Variants in PLPP3 observed in about 807,000 individuals in gnomAD.
PLPP3 encodes phospholipid phosphatase 3.
In PLPP3, 6 loss-of-function variants were observed where a neutral mutation model predicts 29.6. The observed-to-expected ratio is 0.20, with a 90% confidence interval of 0.11 to 0.40. The LOEUF (loss-of-function observed/expected upper bound fraction) is 0.40. Among genes scored for constraint, PLPP3 ranks in the 10% least tolerant of loss-of-function variants. The pLI, the probability that PLPP3 is intolerant of heterozygous loss-of-function variation, is 1.00. For missense variants in PLPP3, 308 were observed against 407.7 expected, an observed-to-expected ratio of 0.76 and a Z score of 2.11; for synonymous variants, 152 against 159.7, an observed-to-expected ratio of 0.95 and a Z score of 0.36.
chr1:56,500,017 A>C (rs1412544772), intron 5 of PLPP3, among the ~76,000 whole-genome samples: 1 of 152,216 alleles, frequency 6.6e-6, no homozygotes, highest in Non-Finnish European at 1.5e-5. Flanking sequence ...AGTTCCAACA[A>C]ACAAGAAAAA....
intron 2 of PLPP3, among the ~76,000 whole-genome samples, chr1:56,527,617 T>G (rs1645860371): frequency 6.6e-6 from 1 of 152,308 alleles, no homozygotes; most frequent in South Asian, 2.1e-4. Flanking sequence ...CAGGACCACA[T>G]GGCTTCTGGG....
chr1:56,556,817 T>C (rs1342670544), intron 1 of PLPP3, among the ~76,000 whole-genome samples: 2 of 148,464 alleles, frequency 1.3e-5, no homozygotes, highest in Non-Finnish European at 1.5e-5. Context: ...TCCCAGCAAT[T>C]TGGGAGGCTG....
intron 1 of PLPP3, among the ~76,000 whole-genome samples, chr1:56,547,491 CAATTCCATCAGG>C (rs1316944540): frequency 6.6e-6 from 1 of 152,142 alleles, no homozygotes; most frequent in African/African-American, 2.4e-5. Flanking sequence ...AAAGAGTAGA[CAATTCCATCAGG>C]AATTGTTTAC....
intron 1 of PLPP3, among the ~76,000 whole-genome samples, chr1:56,552,301 G>C (rs529701865): frequency 6.6e-6 from 1 of 151,576 alleles, no homozygotes; most frequent in South Asian, 2.1e-4. Flanking sequence ...TACGTGACCC[G>C]AATTTCAGGG....
chr1:56,567,242 C>G (rs552701404), intron 1 of PLPP3, among the ~76,000 whole-genome samples: 1 of 152,088 alleles, frequency 6.6e-6, no homozygotes, highest in Non-Finnish European at 1.5e-5. Flanking sequence ...CCAGTGGCAC[C>G]ACTAAACTGA....
chr1:56,534,228 G>T (rs1645908866), intron 2 of PLPP3, among the ~76,000 whole-genome samples: 1 of 152,160 alleles, frequency 6.6e-6, no homozygotes, highest in African/African-American at 2.4e-5. Context: ...GCAGGGATAG[G>T]AACCATTGCT....
intron 4 of PLPP3, among the ~76,000 whole-genome samples, chr1:56,514,703 TCTAC>T (rs1414886564): frequency 2.0e-5 from 3 of 152,158 alleles, no homozygotes; most frequent in African/African-American, 7.2e-5. Context: ...TCAGAGAACA[TCTAC>T]CTATTTGAAT....
intron 1 of PLPP3, among the ~76,000 whole-genome samples, chr1:56,557,016 G>A (rs11809505): frequency 0.22 from 1,651 of 7,348 alleles, 215 homozygotes; most frequent in Admixed American, 0.29. Context: ...GAAAGAGAGA[G>A]AGAGAGAGAA....
chr1:56,556,824 G>A (rs1646079645), intron 1 of PLPP3, among the ~76,000 whole-genome samples: 1 of 149,112 alleles, frequency 6.7e-6, no homozygotes, highest in African/African-American at 2.5e-5. Flanking sequence ...AATTTGGGAG[G>A]CTGAGGTGGA....
At chr1:56,560,321 T>C (rs1020834976) in intron 1 of PLPP3, among the ~76,000 whole-genome samples, 58 of 152,172 alleles carry the variant, frequency 3.8e-4, no homozygotes, top group African/African-American at 1.4e-3. Flanking sequence ...AATTATAAAA[T>C]TGATAGATAC....
At chr1:56,535,414 A>G (rs1018489216) in intron 2 of PLPP3, among the ~76,000 whole-genome samples, 3 of 152,138 alleles carry the variant, frequency 2.0e-5, no homozygotes, top group African/African-American at 7.2e-5. Flanking sequence ...TTTCTCCGGA[A>G]CTATAGGAAA....
chr1:56,579,118 A>C lies in PLPP3; in HGVS notation c.-102T>G. 6.7e-7 allele frequency: 1 copy of C among 1,490,160 alleles called. No homozygotes were observed. Among genetic ancestry groups the C allele is most frequent in the Non-Finnish European group, 8.9e-7 (1 of 1,124,516 alleles). 92.3% of individuals were successfully genotyped at this position (1,490,160 alleles called of 1,614,324 possible). The stretch of plus-strand genomic sequence containing the variant: ...CGCCTCCTGGCCGAGGCTGCTGCGG[A>C]TAGTGGCGGGTCGGCCCCGGCTCCG... On this transcript the variant is annotated 5_prime_UTR_variant, in exon 1 of 6. Transcript: ENST00000371250.
chr1:56,560,906 C>T (rs1194031151), intron 1 of PLPP3, among the ~76,000 whole-genome samples: 1 of 141,450 alleles, frequency 7.1e-6, no homozygotes, highest in East Asian at 2.2e-4. Context: ...GGCCTGATCT[C>T]GGCCCACTGC....
intron 4 of PLPP3, chr1:56,512,932 C>T (rs1300222575): frequency 2.6e-5 from 4 of 152,058 alleles, no homozygotes; most frequent in Non-Finnish European, 4.4e-5. Flanking sequence ...GCTATATAAT[C>T]CCTACACTAC....
At chr1:56,508,771 A>C (rs1645720805) in intron 5 of PLPP3, among the ~76,000 whole-genome samples, 1 of 151,958 alleles carries the variant, frequency 6.6e-6, no homozygotes, top group Admixed American at 6.6e-5. Context: ...CTGTCATCCT[A>C]CTCATAGTTC....
intron 5 of PLPP3, among the ~76,000 whole-genome samples, chr1:56,510,013 C>G (rs79293144): frequency 6.6e-6 from 1 of 152,078 alleles, no homozygotes; most frequent in African/African-American, 2.4e-5. Context: ...ATAGTCCTCC[C>G]GAACGCTCTG....
At chr1:56,525,965 C>G (rs1022374173) in intron 2 of PLPP3, among the ~76,000 whole-genome samples, 27 of 152,164 alleles carry the variant, frequency 1.8e-4, no homozygotes, top group African/African-American at 6.5e-4. Flanking sequence ...GGCCCAGGGA[C>G]AAACAGGTGC....
chr1:56,514,397 G>A (rs1192010899), intron 4 of PLPP3, among the ~76,000 whole-genome samples: 1 of 152,154 alleles, frequency 6.6e-6, no homozygotes, highest in Admixed American at 6.5e-5. Flanking sequence ...CAGTATAGCT[G>A]GAGAAGAGGG....
At chr1:56,525,594 A>G (rs1243975976) in intron 2 of PLPP3, among the ~76,000 whole-genome samples, 1 of 152,116 alleles carries the variant, frequency 6.6e-6, no homozygotes. Flanking sequence ...GTAAATGCCT[A>G]TGATGTGCAC....
Sources: gnomAD v4.1 joint callset for allele counts (sites outside exome capture counted in the v4.1 genomes callset) on GRCh38, gnomAD v4.1.1 for gene constraint, MANE v1.5 for transcripts, NCBI Gene and HGNC (gene_info 2026-07-23, HGNC 2026-07-21) for gene names.